NLRP12: variants seen among roughly 807,000 people sequenced by gnomAD.
The protein encoded by NLRP12 is NACHT, LRR and PYD domains-containing protein 12.
In NLRP12, 108 loss-of-function variants were observed where a neutral mutation model predicts 91.2. The observed-to-expected ratio is 1.18, with a 90% CI of 1.01 to 1.39. The LOEUF is 1.39. Among genes scored for constraint, NLRP12 ranks in the 40% most tolerant of loss-of-function variants. The pLI, the probability that NLRP12 is intolerant of heterozygous loss-of-function variation, is 0.00. For synonymous variants in NLRP12, 613 were observed against 566.7 expected, an observed-to-expected ratio of 1.08 and a Z score of -1.16; for missense variants, 1,530 against 1,352.7, an observed-to-expected ratio of 1.13 and a Z score of -2.06.
In NLRP12 at chr19:53,798,132, G is replaced by C. The variant is rs541515838; in HGVS notation, c.2927+111C>G. On this transcript the variant is annotated intron_variant, in intron 8 of 9. Transcript: ENST00000324134. ...CTTTCCACCTCTCTTCTTGCTACCTGAATCTTTTGTAGTGAAGCAGGATAG... is the reference window on the plus strand; with the variant it reads ...CTTTCCACCTCTCTTCTTGCTACCTCAATCTTTTGTAGTGAAGCAGGATAG... 50 of 1,204,412 alleles carry C rather than the reference G, an allele frequency of 4.2e-5. No homozygotes were observed. The South Asian group carries it at 5.8e-4, about 14-fold the overall frequency. The allele number at this position is 1,204,412 out of a possible 1,614,324, so 74.6% of individuals were successfully genotyped here.
rs528138182 is a variant in NLRP12, at chr19:53,797,899, C to T, written c.2927+344G>A. Among the ~76,000 whole-genome samples, 54 of 151,548 alleles carry T rather than the reference C, an allele frequency of 3.6e-4. 1 individual carries two copies. In the South Asian group the frequency reaches 8.3e-3, roughly 23 times the overall value. On this transcript the variant is annotated intron_variant, in intron 8 of 9. Transcript: ENST00000324134. ...GATTACAGGCATGTGCCACCAGGCCCGGCTATTTTTTTTGTATTTAGTAGA... is the reference window on the plus strand; with the variant it reads ...GATTACAGGCATGTGCCACCAGGCCTGGCTATTTTTTTTGTATTTAGTAGA...
chr19:53,819,241 TTTTC>T (rs1311601705), intron 1 of NLRP12, among the ~76,000 whole-genome samples: 1 of 151,320 alleles, frequency 6.6e-6, no homozygotes, highest in Non-Finnish European at 1.5e-5. Flanking sequence ...ATTGATACTT[TTTTC>T]TTTCTTTTCT....
intron 7 of NLRP12, among the ~76,000 whole-genome samples, chr19:53,799,312 G>A (rs992377100): frequency 1.3e-5 from 2 of 151,602 alleles, no homozygotes; most frequent in East Asian, 2.0e-4. Flanking sequence ...GCCCAGCCGC[G>A]TGTGTGATTT....
intron 1 of NLRP12, among the ~76,000 whole-genome samples, chr19:53,818,190 C>G (rs552481975): frequency 7.3e-5 from 11 of 151,542 alleles, no homozygotes; most frequent in African/African-American, 2.4e-4. Flanking sequence ...CTTAAGTGAT[C>G]CTCCCATCTC....
rs534250243 is a variant in NLRP12, at chr19:53,818,558, G to A, written c.290-3570C>T. 8.6e-5 allele frequency among the ~76,000 whole-genome samples: 13 copies of A among 151,750 alleles called. No individual in the cohort carries two copies. The East Asian group carries it at 1.9e-3, about 23-fold the overall frequency. ...CGGGTGCCTGTAGTCCCAGGTACTCGGGAGGCTGAGGCAGGAGAATCGCTT... is the reference window on the plus strand; with the variant it reads ...CGGGTGCCTGTAGTCCCAGGTACTCAGGAGGCTGAGGCAGGAGAATCGCTT... On this transcript the variant is annotated intron_variant, in intron 1 of 9. Coordinates refer to ENST00000324134, the MANE Select transcript of NLRP12 (RefSeq NM_144687.4).
intron 4 of NLRP12, among the ~76,000 whole-genome samples, chr19:53,806,554 G>A (rs1343123631): frequency 6.7e-6 from 1 of 150,162 alleles, no homozygotes; most frequent in African/African-American, 2.4e-5. Context: ...GGTGGCACCT[G>A]CCTGTAGTCC....
At chr19:53,823,750 A>C in intron 1 of NLRP12, 136 bp downstream of exon 1, 1 of 982,548 alleles carries the variant, frequency 1.0e-6, no homozygotes, top group South Asian at 1.3e-5. Flanking sequence ...GAGCCTCACT[A>C]TGTTGTCCAG....
Position 53,810,588 on chromosome 19 carries a change from G to A in NLRP12, c.1071C>T (p.Pro357=). The A allele has an allele frequency of 6.2e-7, 1 of 1,614,102 alleles. No individual in the cohort carries two copies. Among genetic ancestry groups the A allele is most frequent in the Non-Finnish European group, 8.5e-7 (1 of 1,180,026 alleles). The part of the protein sequence containing the change: ...LEKLHRLLEH[P]RHVEILGFSE... Reference sequence around the variant, plus strand: ...AGAAGCCCAGGATCTCCACATGCCTGGGGTGCTCCAGCAGACGGTGGAGCT... The same window carrying A: ...AGAAGCCCAGGATCTCCACATGCCTAGGGTGCTCCAGCAGACGGTGGAGCT... Residue 357 remains proline, a synonymous_variant, in exon 3 of 10, where the codon CCC becomes CCT. Transcript: ENST00000324134.
At chr19:53,815,040 C>T (rs1225159006) in intron 1 of NLRP12, 52 bp from the exon 2 acceptor site, 13 of 1,338,570 alleles carry the variant, frequency 9.7e-6, no homozygotes, top group Admixed American at 5.0e-5. Flanking sequence ...CTAGTAGCAC[C>T]GCGTCATATT....
At position 53,824,176 on chromosome 19, in the gene NLRP12, G is replaced by C. The variant is rs142898715; in HGVS notation, c.-2C>G. The C allele has an allele frequency of 1.8e-4, 285 of 1,613,852 alleles. 5 individuals are homozygous for C. In the South Asian group the frequency reaches 2.5e-3, roughly 14 times the overall value. On this transcript the variant is annotated 5_prime_UTR_variant, in exon 1 of 10. Coordinates refer to ENST00000324134, the MANE Select transcript of NLRP12 (RefSeq NM_144687.4). The stretch of plus-strand genomic sequence containing the variant: ...GTCCCTGCCTGCGGTTCGTAGCATG[G>C]GGGTGCCGTGAGCCCCAAAGGAGAG...
At chr19:53,801,600 G>A (rs927480991) in intron 6 of NLRP12, among the ~76,000 whole-genome samples, 1 of 151,560 alleles carries the variant, frequency 6.6e-6, no homozygotes, top group African/African-American at 2.4e-5. Context: ...CTACAAGCGT[G>A]TGGCATCACG....
rs2092231599 is a variant in NLRP12, at chr19:53,819,601, A to ATATATGTATGTATACGTATATACGCG, written c.289+4284_289+4285insCGCGTATATACGTATACATACATATA. On this transcript the variant is annotated intron_variant, in intron 1 of 9. Coordinates refer to ENST00000324134, the MANE Select transcript of NLRP12 (RefSeq NM_144687.4). ...TATATGTATGTATACGTATATACGC[A>ATATATGTATGTATACGTATATACGCG]TATATATGTATGTATACGTATATAC... Among the ~76,000 whole-genome samples the ATATATGTATGTATACGTATATACGCG allele has an allele frequency of 6.8e-5, 3 of 44,392 alleles. 1 individual carries two copies. The highest frequency in any genetic ancestry group is 2.8e-4 in the Admixed American group (1 of 3,630). The allele number at this position is 44,392 out of a possible 152,430, so 29.1% of individuals were successfully genotyped here. A position where few individuals can be genotyped will look rare whatever the true frequency, so the allele number is the denominator to read the frequency against.
intron 6 of NLRP12, 78 bp from the exon 7 acceptor site, chr19:53,801,475 A>G (rs1400428236): frequency 1.4e-6 from 2 of 1,428,454 alleles, no homozygotes; most frequent in African/African-American, 1.6e-5. Flanking sequence ...TTTTTGAGAC[A>G]GAGTCCCACT....
intron 7 of NLRP12, among the ~76,000 whole-genome samples, chr19:53,800,932 A>T (rs571037376): frequency 6.6e-6 from 1 of 151,926 alleles, no homozygotes; most frequent in African/African-American, 2.4e-5. Context: ...CAGTGGCTCA[A>T]GCCTGTAATC....
intron 2 of NLRP12, among the ~76,000 whole-genome samples, chr19:53,814,245 C>G (rs932649132): frequency 1.3e-5 from 2 of 152,170 alleles, no homozygotes; most frequent in East Asian, 3.8e-4. Flanking sequence ...TAACCTCGTT[C>G]CCCTCTGTCA....
chr19:53,821,011 G>C (rs866025350), intron 1 of NLRP12, among the ~76,000 whole-genome samples: 9 of 145,236 alleles, frequency 6.2e-5, no homozygotes, highest in African/African-American at 2.3e-4. Context: ...GCTTATGCCT[G>C]AGTATAAATC....
intron 2 of NLRP12, among the ~76,000 whole-genome samples, chr19:53,813,299 C>CTTTTTTTTTTTTTTTTTTT (rs1160039078): frequency 1.2e-3 from 104 of 86,034 alleles, no homozygotes; most frequent in Non-Finnish European, 1.4e-3. Flanking sequence ...TTTTTCTTTT[C>CTTTTTTTTTTTTTTTTTTT]TTTTTTTTTT....
intron 1 of NLRP12, among the ~76,000 whole-genome samples, chr19:53,818,266 G>T (rs1231137200): frequency 6.6e-6 from 1 of 151,834 alleles, no homozygotes; most frequent in Non-Finnish European, 1.5e-5. Context: ...TAGAGAAGGG[G>T]TTTTGCCATG....
In NLRP12 at chr19:53,811,130, G is replaced by A; in HGVS notation, c.529C>T (p.Leu177=). The change falls in exon 3 of 10, where the codon CTG becomes TTG. Residue 177 remains leucine, a synonymous_variant. Transcript: ENST00000324134. ...SNPMQVQQQL[L]DTGRGHARTV... ...CTCGCGTGTCCCCGGCCTGTGTCCA[G>A]AAGCTGCTGCTGGACCTGCATGGGG... 1.2e-6 allele frequency: 2 copies of A among 1,614,108 alleles called. No homozygotes were observed. The highest frequency in any genetic ancestry group is 1.1e-5 in the South Asian group (1 of 91,084).
Sources: allele counts gnomAD v4.1 joint callset (sites outside exome capture counted in the v4.1 genomes callset), GRCh38; gene constraint gnomAD v4.1.1; transcripts MANE v1.5; gene names NCBI Gene and HGNC (gene_info 2026-07-23, HGNC 2026-07-21).